Variants in VASH2 observed in about 807,000 individuals in gnomAD.
The protein encoded by VASH2 is tubulinyl-Tyr carboxypeptidase 2.
A neutral mutation model predicts 37.2 loss-of-function variants in VASH2; 28 were observed. The ratio of observed to expected loss-of-function variants is 0.75; its 90% CI spans 0.56 to 1.03. VASH2 has a LOEUF of 1.03. Among genes scored for constraint, VASH2 ranks in the 50% least tolerant of loss-of-function variants. The pLI is 0.00. For missense variants in VASH2, 419 were observed against 459.1 expected, an observed-to-expected ratio of 0.91 and a Z score of 0.80; for synonymous variants, 188 against 174.7, an observed-to-expected ratio of 1.08 and a Z score of -0.60.
chr1:212,958,335 A>G (rs932284595), intron 2 of VASH2, among the ~76,000 whole-genome samples: 4 of 152,138 alleles, frequency 2.6e-5, no homozygotes, highest in African/African-American at 9.7e-5. Context: ...TGGGGAATGT[A>G]TACGTTTGTC....
chr1:212,960,546 CTTTA>C (rs534299732), intron 2 of VASH2, among the ~76,000 whole-genome samples: 213 of 152,286 alleles, frequency 1.4e-3, no homozygotes, highest in Non-Finnish European at 1.7e-3. Flanking sequence ...GCACCATTCA[CTTTA>C]TTTATTTATC....
At chr1:212,970,647 T>C (rs1666984028) in intron 5 of VASH2, among the ~76,000 whole-genome samples, 1 of 152,068 alleles carries the variant, frequency 6.6e-6, no homozygotes. Flanking sequence ...CCCAACACTT[T>C]GGGAGGCCGA....
rs542871161 is a variant in VASH2, at chr1:212,988,557, T to A, written c.1041T>A (p.Asn347Lys). The change falls in exon 8 of 8, where the codon AAT (asparagine) becomes AAA (lysine). Residue 347 changes from asparagine to lysine, a missense_variant. Asn to Lys is a moderately conservative substitution (Grantham distance 94). This residue lies in a region of VASH2 where 177 missense variants were observed against 166.2 expected (regional missense o/e 1.06). Transcript: ENST00000517399. Reference protein sequence around the residue: ...EKKVADLSTLNEVGYQIRI With the variant: ...EKKVADLSTLKEVGYQIRI Reference sequence around the variant, plus strand: ...AGGTGGCTGATCTGAGCACTCTGAATGAAGTGGGCTATCAAATCCGAATTT... The same window carrying A: ...AGGTGGCTGATCTGAGCACTCTGAAAGAAGTGGGCTATCAAATCCGAATTT... 2 of 1,614,068 alleles carry A rather than the reference T, an allele frequency of 1.2e-6. No homozygotes were observed. The highest frequency in any genetic ancestry group is 1.7e-6 in the Non-Finnish European group (2 of 1,180,018).
chr1:212,962,188 G>A (rs1014825132), intron 3 of VASH2, among the ~76,000 whole-genome samples: 1 of 152,190 alleles, frequency 6.6e-6, no homozygotes, highest in African/African-American at 2.4e-5. Context: ...GCATCCGCAG[G>A]TTGTTTGCAG....
chr1:212,973,436 C>A (rs1230217440), intron 6 of VASH2: 2 of 1,291,212 alleles, frequency 1.5e-6, no homozygotes, highest in African/African-American at 3.0e-5. Flanking sequence ...CTTGTGCAGT[C>A]ACTAAGAGAA....
chr1:212,977,737 A>G (rs1418741085), intron 7 of VASH2, among the ~76,000 whole-genome samples: 1 of 152,132 alleles, frequency 6.6e-6, no homozygotes, highest in Admixed American at 6.5e-5. Context: ...CACCAGCATC[A>G]CCTGGAGGGT....
chr1:212,972,630 AAACCTACTTCTCAGG>A lies in VASH2; in HGVS notation c.551_565del (p.Thr184_Gly188del). The stretch of plus-strand genomic sequence containing the variant: ...ATTGAGCGGTTCCCCATCAGCTTTA[AAACCTACTTCTCAGG>A]AAACTACTTTCACCACGTTGTGCTG... On this transcript the variant is annotated inframe_deletion, in exon 6 of 8. Transcript: ENST00000517399. 6.2e-7 allele frequency: 1 copy of A among 1,614,192 alleles called. No individual in the cohort carries two copies.
chr1:212,981,926 C>T (rs935841782), intron 7 of VASH2, among the ~76,000 whole-genome samples: 1 of 152,226 alleles, frequency 6.6e-6, no homozygotes, highest in Non-Finnish European at 1.5e-5. Flanking sequence ...GCACAGATGG[C>T]ACCATCTGGT....
intron 5 of VASH2, among the ~76,000 whole-genome samples, chr1:212,969,671 G>A (rs553516951): frequency 6.6e-6 from 1 of 152,300 alleles, no homozygotes; most frequent in African/African-American, 2.4e-5. Flanking sequence ...AAACAGACCT[G>A]GATTCTAAAA....
Position 212,988,719 on chromosome 1 carries a change from T to C in VASH2, c.*135T>C, listed in dbSNP as rs537258349. ...TTTAAGGATTCACCTGGAAATAGAATCTGAGTGGGTGGTAACCATTAGCTT... is the reference window on the plus strand; with the variant it reads ...TTTAAGGATTCACCTGGAAATAGAACCTGAGTGGGTGGTAACCATTAGCTT... On this transcript the variant is annotated 3_prime_UTR_variant, in exon 8 of 8. Coordinates refer to ENST00000517399, the MANE Select transcript of VASH2 (RefSeq NM_001301056.2). The C allele has an allele frequency of 3.1e-6, 3 of 954,418 alleles. No homozygotes were observed. The African/African-American group carries it at 4.9e-5, about 16-fold the overall frequency. The allele number at this position is 954,418 out of a possible 1,614,324, so 59.1% of individuals were successfully genotyped here. A position where few individuals can be genotyped will look rare whatever the true frequency, so the allele number is the denominator to read the frequency against.
intron 2 of VASH2, among the ~76,000 whole-genome samples, chr1:212,960,270 G>C (rs183294758): frequency 2.4e-4 from 37 of 152,278 alleles, no homozygotes; most frequent in African/African-American, 8.9e-4. Context: ...TTAGGACTTC[G>C]TCTGCTGTGT....
chr1:212,982,345 C>A (rs941564704), intron 7 of VASH2, among the ~76,000 whole-genome samples: 1 of 152,194 alleles, frequency 6.6e-6, no homozygotes, highest in Non-Finnish European at 1.5e-5. Flanking sequence ...AAAGAAAATT[C>A]TTTCATTTCT....
intron 5 of VASH2, chr1:212,967,046 G>A (rs754057893): frequency 1.7e-5 from 22 of 1,271,232 alleles, no homozygotes; most frequent in Middle Eastern, 2.2e-4. Context: ...CGCCTGGCTC[G>A]CCAGGGAAAA....
intron 2 of VASH2, among the ~76,000 whole-genome samples, chr1:212,960,685 C>T (rs74140537): frequency 0.041 from 6,274 of 152,248 alleles, 418 homozygotes; most frequent in African/African-American, 0.14. Flanking sequence ...CCATGGCGCC[C>T]GGCATCCATT....
intron 7 of VASH2, 66 bp downstream of exon 7, chr1:212,974,136 C>T: frequency 3.3e-6 from 5 of 1,501,554 alleles, no homozygotes; most frequent in Non-Finnish European, 4.5e-6. Flanking sequence ...TGTCCTGGCC[C>T]ATGGGGACAA....
chr1:212,965,401 A>G (rs1388315478), intron 3 of VASH2, among the ~76,000 whole-genome samples: 1 of 152,222 alleles, frequency 6.6e-6, no homozygotes, highest in East Asian at 1.9e-4. Context: ...TTTTTTTAAA[A>G]AAAGAATAGT....
rs1354552917 is a variant in VASH2, at chr1:212,990,420, A to G, written c.*1836A>G. ...ATGTATTCAGATGTTTGAAATAGTGAATCATTTCATTTTCATTCTAAAACA... is the reference window on the plus strand; with the variant it reads ...ATGTATTCAGATGTTTGAAATAGTGGATCATTTCATTTTCATTCTAAAACA... On this transcript the variant is annotated 3_prime_UTR_variant, in exon 8 of 8. Coordinates refer to ENST00000517399, the MANE Select transcript of VASH2 (RefSeq NM_001301056.2). 6.6e-6 allele frequency: 1 copy of G among 152,198 alleles called. No individual in the cohort carries two copies. Among genetic ancestry groups the G allele is most frequent in the Non-Finnish European group, 1.5e-5 (1 of 68,036 alleles). The allele number at this position is 152,198 out of a possible 1,614,324, so 9.4% of individuals were successfully genotyped here.
At chr1:212,965,682 T>C in intron 3 of VASH2, 40 bp from the exon 4 acceptor site, 3 of 1,510,366 alleles carry the variant, frequency 2.0e-6, no homozygotes, top group Non-Finnish European at 2.7e-6. Flanking sequence ...CTGGGACCTT[T>C]GGAGTTTTCT....
rs1666820959 is a variant in VASH2 at position 212,965,717 on chromosome 1, C to T, written c.366-5C>T. On this transcript the variant is annotated splice_region_variant and splice_polypyrimidine_tract_variant and intron_variant, in intron 3 of 7. Coordinates refer to ENST00000517399, the MANE Select transcript of VASH2 (RefSeq NM_001301056.2). Reference sequence around the variant, plus strand: ...TGTCACTTTCCCTTTACATACTTTACACAGATATAATCACACAGGGACCCA... The same window carrying T: ...TGTCACTTTCCCTTTACATACTTTATACAGATATAATCACACAGGGACCCA... 2 of 1,551,132 alleles carry T rather than the reference C, an allele frequency of 1.3e-6. No homozygotes were observed. The highest frequency in any genetic ancestry group is 2.0e-5 in the Admixed American group (1 of 50,978).
Sources: gnomAD v4.1 joint callset for allele counts (sites outside exome capture counted in the v4.1 genomes callset) on GRCh38, gnomAD v4.1.1 for gene constraint, gnomAD v4.1.1 regional missense constraint, MANE v1.5 for transcripts, NCBI Gene and HGNC (gene_info 2026-07-23, HGNC 2026-07-21) for gene names.